NPEPPS: variants seen among roughly 807,000 people sequenced by gnomAD.
The protein encoded by NPEPPS is aminopeptidase puromycin sensitive, also known as puromycin-sensitive aminopeptidase.
Under a neutral mutation model 115.5 loss-of-function variants are expected in NPEPPS, and 14 were observed. The ratio of observed to expected loss-of-function variants is 0.12; its 90% CI spans 0.08 to 0.19. The LOEUF (loss-of-function observed/expected upper bound fraction) is 0.19, where lower values mean the gene tolerates loss of function less well. Among genes scored for constraint, NPEPPS ranks in the 10% least tolerant of loss-of-function variants. The probability of loss-of-function intolerance (pLI) is 1.00; values close to 1 mark genes in which losing one functional copy is unlikely to be tolerated. For missense variants in NPEPPS, 523 were observed against 1,110.8 expected, an observed-to-expected ratio of 0.47 and a Z score of 7.52; for synonymous variants, 285 against 390.6, an observed-to-expected ratio of 0.73 and a Z score of 3.19.
chr17:47,615,128 A>G (rs1320155196), intron 19 of NPEPPS, among the ~76,000 whole-genome samples: 1 of 130,494 alleles, frequency 7.7e-6, no homozygotes, highest in African/African-American at 3.1e-5. Flanking sequence ...ACCAGGCTGG[A>G]GTGTAGTGGC....
chr17:47,578,396 C>T (rs563445507), intron 3 of NPEPPS, among the ~76,000 whole-genome samples: 1 of 151,796 alleles, frequency 6.6e-6, no homozygotes, highest in African/African-American at 2.4e-5. Flanking sequence ...TAAGTAGGGC[C>T]TTTAAAATGG....
intron 12 of NPEPPS, among the ~76,000 whole-genome samples, chr17:47,595,902 A>C (rs971146058): frequency 1.1e-4 from 17 of 151,090 alleles, no homozygotes; most frequent in African/African-American, 3.9e-4. Flanking sequence ...GAATTGCTTG[A>C]ACCTGGGAGG....
chr17:47,578,305 AG>A (rs1911656680), intron 3 of NPEPPS, among the ~76,000 whole-genome samples: 1 of 152,068 alleles, frequency 6.6e-6, no homozygotes, highest in African/African-American at 2.4e-5. Context: ...AGTATATAAA[AG>A]TTTGGTATGA....
At chr17:47,529,709 C>CAA (rs1907587250), upstream of NPEPPS, among the ~76,000 whole-genome samples, 1 of 83,084 alleles carries the variant, frequency 1.2e-5, no homozygotes, top group Non-Finnish European at 2.6e-5. Flanking sequence ...GGCCCTGGCC[C>CAA]CCCTTTTTAA....
rs754029251 is a variant in NPEPPS at position 47,619,156 on chromosome 17, C to T, written c.2551C>T (p.Leu851=). 2 of 1,612,636 alleles carry T rather than the reference C, an allele frequency of 1.2e-6. No homozygotes were observed. The highest frequency in any genetic ancestry group is 2.2e-5 in the South Asian group (2 of 90,936). The part of the protein sequence containing the change: ...RYQGGFLISR[L]IKLSVEGFAV... ...CCAGGGAGGATTCTTAATATCCAGA[C>T]TAATAAAGGTATGTGAAAAACTTTG... The change falls in exon 21 of 23, where the codon CTA becomes TTA. Residue 851 remains leucine (L), a synonymous_variant. Transcript: ENST00000322157.
chr17:47,618,864 G>T, intron 20 of NPEPPS, 145 bp from the exon 21 acceptor site: 1 of 726,354 alleles, frequency 1.4e-6, no homozygotes. Context: ...TATCTTCTTT[G>T]CTGAGAACTT....
At chr17:47,601,253 CATATAT>C (rs940070317) in intron 14 of NPEPPS, among the ~76,000 whole-genome samples, 1 of 150,990 alleles carries the variant, frequency 6.6e-6, no homozygotes, top group Non-Finnish European at 1.5e-5. Flanking sequence ...AATATACATA[CATATAT>C]ATATATATTT....
chr17:47,526,632 G>T (rs1343908964), upstream of NPEPPS, among the ~76,000 whole-genome samples: 1 of 152,208 alleles, frequency 6.6e-6, no homozygotes, highest in African/African-American at 2.4e-5. Context: ...ATTTTGAGAA[G>T]CTGAGAAACA....
chr17:47,583,641 A>T (rs573791047), intron 5 of NPEPPS, among the ~76,000 whole-genome samples: 1 of 152,140 alleles, frequency 6.6e-6, no homozygotes, highest in South Asian at 2.1e-4. Context: ...AAAGCCAGGT[A>T]CAGTGACTCT....
chr17:47,596,152 C>CA, intron 12 of NPEPPS: 1 of 442,690 alleles, frequency 2.3e-6, no homozygotes, highest in Non-Finnish European at 4.1e-6. Context: ...GACCGTATCT[C>CA]AAAAAATACC....
intron 1 of NPEPPS, among the ~76,000 whole-genome samples, chr17:47,544,097 T>C (rs1354971888): frequency 1.3e-5 from 2 of 152,076 alleles, no homozygotes; most frequent in African/African-American, 4.8e-5. Flanking sequence ...GGTTTCACCG[T>C]GTTAGCCAGG....
chr17:47,605,596 T>G, intron 17 of NPEPPS, 44 bp downstream of exon 17: 1 of 1,200,168 alleles, frequency 8.3e-7, no homozygotes, highest in Non-Finnish European at 1.2e-6. Flanking sequence ...CAGAAGTTGG[T>G]ACTTTTTTAT....
At chr17:47,569,815 C>T (rs979389715) in intron 3 of NPEPPS, among the ~76,000 whole-genome samples, 19 of 152,060 alleles carry the variant, frequency 1.2e-4, no homozygotes, top group Admixed American at 8.5e-4. Context: ...GACAAGGTTT[C>T]GCCATGTTGG....
chr17:47,592,339 G>C, intron 11 of NPEPPS, 146 bp from the exon 12 acceptor site: 1 of 694,770 alleles, frequency 1.4e-6, no homozygotes, highest in Non-Finnish European at 2.5e-6. Flanking sequence ...TTAAATAAAA[G>C]GCAGTAGGCA....
intron 2 of NPEPPS, among the ~76,000 whole-genome samples, chr17:47,565,635 C>T (rs971587767): frequency 6.6e-6 from 1 of 150,592 alleles, no homozygotes; most frequent in African/African-American, 2.4e-5. Flanking sequence ...GCCTGGGCAA[C>T]ATGGTGAAAC....
intron 1 of NPEPPS, among the ~76,000 whole-genome samples, chr17:47,534,326 G>A (rs1373312350): frequency 4.6e-5 from 7 of 152,048 alleles, no homozygotes; most frequent in East Asian, 1.9e-4. Context: ...TGATCTGCCC[G>A]CCTTGGCCTC....
intron 18 of NPEPPS, among the ~76,000 whole-genome samples, chr17:47,613,257 C>CT (rs753383358): frequency 0.027 from 2,686 of 98,202 alleles, 152 homozygotes; most frequent in African/African-American, 0.069. Context: ...ATAATATTTA[C>CT]TTTTTTTTTT....
At chr17:47,594,567 C>T (rs541739191) in intron 12 of NPEPPS, among the ~76,000 whole-genome samples, 25 of 148,100 alleles carry the variant, frequency 1.7e-4, no homozygotes, top group African/African-American at 5.5e-4. Flanking sequence ...TGTGCCACCA[C>T]GGCCGGCTAA....
At chr17:47,525,167 AC>A (rs1352145892) in intron 1 of NPEPPS, among the ~76,000 whole-genome samples, 2 of 151,952 alleles carry the variant, frequency 1.3e-5, no homozygotes, top group Admixed American at 6.6e-5. Context: ...ATTTAAGGGA[AC>A]TGTGTGTTAC....
Sources: gnomAD v4.1 joint callset for allele counts (sites outside exome capture counted in the v4.1 genomes callset) on GRCh38, gnomAD v4.1.1 for gene constraint, MANE v1.5 for transcripts, NCBI Gene and HGNC (gene_info 2026-07-23, HGNC 2026-07-21) for gene names.